Variants in COL11A1 observed in about 807,000 individuals in gnomAD.
COL11A1 encodes collagen alpha-1(XI) chain.
In COL11A1, 74 loss-of-function variants were observed where a neutral mutation model predicts 265.2. The ratio of observed to expected loss-of-function variants is 0.28; its 90% CI spans 0.23 to 0.34. The LOEUF (loss-of-function observed/expected upper bound fraction) is 0.34. Among genes scored for constraint, COL11A1 ranks in the 10% least tolerant of loss-of-function variants. COL11A1 has a pLI of 1.00. For synonymous variants in COL11A1, 816 were observed against 727.6 expected (o/e 1.12, Z -1.96); for missense variants, 2,165 against 2,263.6 (o/e 0.96, Z 0.88).
At position 103,018,850 on chromosome 1, in the gene COL11A1, C is replaced by T. The variant is rs769288910; in HGVS notation, c.1318G>A (p.Val440Ile). The T allele has an allele frequency of 1.2e-6, 2 of 1,612,538 alleles. No homozygotes were observed. Among genetic ancestry groups the T allele is most frequent in the Non-Finnish European group, 1.7e-6 (2 of 1,178,850 alleles). ...CCTGCTGGTCCTGGTGGTCCTTCGACAAGCATACCCTATAACAGGAAAAGA... is the reference window on the plus strand; with the variant it reads ...CCTGCTGGTCCTGGTGGTCCTTCGATAAGCATACCCTATAACAGGAAAAGA... Reference protein sequence around the residue: ...EPAVVEPGMLVEGPPGPAGPA... With the variant: ...EPAVVEPGMLIEGPPGPAGPA... Residue 440 changes from valine to isoleucine, a missense_variant, in exon 10 of 67, where the codon GTC (valine) becomes ATC (isoleucine). By Grantham distance (29) the Val-to-Ile change is conservative. Transcript: ENST00000370096.
intron 63 of COL11A1, among the ~76,000 whole-genome samples, chr1:102,884,139 T>C (rs1395973250): frequency 6.6e-6 from 1 of 152,174 alleles, no homozygotes; most frequent in Non-Finnish European, 1.5e-5. Context: ...TGAAAGCCGC[T>C]GAGGCAGTTT....
In COL11A1 at chr1:102,888,580, A is replaced by C; in HGVS notation, c.4605T>G (p.Ser1535=). The change falls in exon 62 of 67, where the codon TCT becomes TCG. Residue 1535 remains serine, a synonymous_variant. Coordinates refer to ENST00000370096, the MANE Select transcript of COL11A1 (RefSeq NM_001854.4). Reference sequence around the variant, plus strand: ...ACTCTTGTTAACATATACTTACTGGAGACCCAGGAGGCCCTGGAAGACCAC... The same window carrying C: ...ACTCTTGTTAACATATACTTACTGGCGACCCAGGAGGCCCTGGAAGACCAC... ...GDSGLPGPPG[S]PGPPGEVIQP... is the part of the protein sequence containing the mutation. The C allele has an allele frequency of 6.2e-7, 1 of 1,612,074 alleles. No individual in the cohort carries two copies.
chr1:103,076,008 G>T (rs1671946423), intron 3 of COL11A1, among the ~76,000 whole-genome samples: 1 of 151,762 alleles, frequency 6.6e-6, no homozygotes, highest in Non-Finnish European at 1.5e-5. Context: ...AGTATTATAG[G>T]TATGTGCTTT....
At chr1:103,050,847 G>A (rs1023346885) in intron 4 of COL11A1, among the ~76,000 whole-genome samples, 3 of 152,156 alleles carry the variant, frequency 2.0e-5, no homozygotes, top group African/African-American at 7.2e-5. Context: ...CAGGTCTGTT[G>A]GAGTTTGCTA....
intron 52 of COL11A1, among the ~76,000 whole-genome samples, chr1:102,913,928 T>C (rs1655000695): frequency 6.6e-6 from 1 of 152,150 alleles, no homozygotes. Flanking sequence ...ATGCTCTTTA[T>C]ATAAGGAAGA....
intron 1 of COL11A1, among the ~76,000 whole-genome samples, chr1:103,086,638 G>T (rs768766017): frequency 6.6e-6 from 1 of 151,862 alleles, no homozygotes; most frequent in Admixed American, 6.6e-5. Context: ...GGATGGTCTT[G>T]ATCTCCTGAC....
chr1:102,987,226 C>T (rs540079934), intron 30 of COL11A1, among the ~76,000 whole-genome samples: 1 of 146,590 alleles, frequency 6.8e-6, no homozygotes, highest in South Asian at 2.3e-4. Flanking sequence ...ACAGAATTCC[C>T]TATTTAATAT....
chr1:103,029,112 A>C (rs904054591), intron 5 of COL11A1, among the ~76,000 whole-genome samples: 1 of 152,088 alleles, frequency 6.6e-6, no homozygotes, highest in African/African-American at 2.4e-5. Context: ...GTGAATCTTA[A>C]GAATAGATTA....
intron 45 of COL11A1, 61 bp from the exon 46 acceptor site, chr1:102,934,617 A>T (rs12088268): frequency 1.5e-6 from 2 of 1,317,560 alleles, no homozygotes. Context: ...ATGAGTCATT[A>T]AAAAATGTGG....
At chr1:102,919,337 TATA>T (rs1183527296) in intron 49 of COL11A1, among the ~76,000 whole-genome samples, 1 of 58,452 alleles carries the variant, frequency 1.7e-5, no homozygotes, top group East Asian at 0.026. Flanking sequence ...GATATCAAAA[TATA>T]ATAACAATCT....
chr1:103,094,903 C>T (rs575634487), intron 1 of COL11A1, among the ~76,000 whole-genome samples: 1 of 151,972 alleles, frequency 6.6e-6, no homozygotes, highest in East Asian at 1.9e-4. Context: ...TTATGTTGGT[C>T]AAAAGTCAAC....
intron 24 of COL11A1, 27 bp from the exon 25 acceptor site, chr1:102,998,390 A>T (rs1299688892): frequency 6.7e-7 from 1 of 1,496,976 alleles, no homozygotes. Flanking sequence ...AAATATTAAA[A>T]AGATAAAAAT....
At chr1:103,004,142 G>A (rs1018671004) in intron 20 of COL11A1, among the ~76,000 whole-genome samples, 8 of 151,580 alleles carry the variant, frequency 5.3e-5, no homozygotes, top group South Asian at 2.1e-4. Flanking sequence ...CATAAATTTC[G>A]GAGCTATTGA....
intron 41 of COL11A1, among the ~76,000 whole-genome samples, chr1:102,960,687 G>C (rs1357914197): frequency 6.6e-6 from 1 of 151,886 alleles, no homozygotes; most frequent in Non-Finnish European, 1.5e-5. Flanking sequence ...ATGGTTTTGA[G>C]AAGCAAGACA....
chr1:103,001,796 C>T (rs1452081901), intron 24 of COL11A1, 129 bp downstream of exon 24: 1 of 795,588 alleles, frequency 1.3e-6, no homozygotes, highest in Non-Finnish European at 2.2e-6. Flanking sequence ...ATGTCGACTC[C>T]AGATTAATTC....
At chr1:102,945,842 A>T (rs1659205017) in intron 42 of COL11A1, among the ~76,000 whole-genome samples, 1 of 152,120 alleles carries the variant, frequency 6.6e-6, no homozygotes, top group South Asian at 2.1e-4. Context: ...TACCCAAAGG[A>T]CTATAAATCA....
chr1:102,886,718 A>C, intron 63 of COL11A1, 89 bp downstream of exon 63: 1 of 1,527,114 alleles, frequency 6.5e-7, no homozygotes, highest in Non-Finnish European at 9.1e-7. Context: ...AGACTGTATT[A>C]AACATTTAAC....
At chr1:103,076,007 G>T (rs1386530313) in intron 3 of COL11A1, among the ~76,000 whole-genome samples, 3 of 151,614 alleles carry the variant, frequency 2.0e-5, no homozygotes, top group Non-Finnish European at 2.9e-5. Context: ...CAGTATTATA[G>T]GTATGTGCTT....
At chr1:103,047,246 A>C (rs779472771) in intron 4 of COL11A1, among the ~76,000 whole-genome samples, 34 of 152,254 alleles carry the variant, frequency 2.2e-4, no homozygotes, top group Admixed American at 9.2e-4. Context: ...TGAGCATGGA[A>C]TGTTCTTCCA....
Sources: allele counts gnomAD v4.1 joint callset (sites outside exome capture counted in the v4.1 genomes callset), GRCh38; gene constraint gnomAD v4.1.1; transcripts MANE v1.5; gene names NCBI Gene and HGNC (gene_info 2026-07-23, HGNC 2026-07-21).